Variants in EIF4A1 observed in about 807,000 individuals in gnomAD.
The protein encoded by EIF4A1 is eukaryotic initiation factor 4A-I.
A neutral mutation model predicts 53.5 loss-of-function variants in EIF4A1; 11 were observed. The ratio of observed to expected loss-of-function variants is 0.21; its 90% CI spans 0.13 to 0.34. The LOEUF (loss-of-function observed/expected upper bound fraction) is 0.34, where lower values mean the gene tolerates loss of function less well. EIF4A1 is among the 10% of genes least tolerant of loss of function. EIF4A1 has a pLI of 1.00. For synonymous variants in EIF4A1, 237 were observed against 186.7 expected (o/e 1.27, Z -2.20); for missense variants, 213 against 530.8 (o/e 0.40, Z 5.88).
chr17:7,578,105 T>TTCCCTCCGGGATAGAGTGTCC lies in EIF4A1; in HGVS notation c.997-56_997-36dup, dbSNP rs776637885. The TTCCCTCCGGGATAGAGTGTCC allele has an allele frequency of 2.5e-6, 4 of 1,611,266 alleles. No homozygotes were observed. The East Asian group carries it at 8.9e-5, about 36-fold the overall frequency. On this transcript the variant is annotated intron_variant, in intron 9 of 10. Coordinates refer to ENST00000293831, the MANE Select transcript of EIF4A1 (RefSeq NM_001416.4). ...CTGCCCACATGGATGCCTAAGTGTC[T>TTCCCTCCGGGATAGAGTGTCC]TCCCTCCGGGATAGAGTGTCCTCCG... is the stretch of plus-strand genomic sequence containing the variant.
At chr17:7,573,134 G>T in intron 1 of EIF4A1, 1 of 592,394 alleles carries the variant, frequency 1.7e-6, no homozygotes, top group South Asian at 2.0e-5. Flanking sequence ...CGAAGCCCCG[G>T]CGCTGAGTGG....
intron 4 of EIF4A1, chr17:7,575,638 C>T: frequency 2.8e-6 from 1 of 360,114 alleles, no homozygotes; most frequent in Non-Finnish European, 5.4e-6. Context: ...GCCTGGGGCA[C>T]ACACAATTCT....
Position 7,578,577 on chromosome 17 carries a change from GAC to G in EIF4A1, c.*93_*94del. ...GGGGAGGGAAGGGAGCCAAGGGATG[GAC>G]ATCTTGTCATTTTTTTTCTTTGAAT... is the stretch of plus-strand genomic sequence containing the variant. On this transcript the variant is annotated 3_prime_UTR_variant, in exon 11 of 11. Coordinates refer to ENST00000293831, the MANE Select transcript of EIF4A1 (RefSeq NM_001416.4). 3 of 1,382,764 alleles carry G rather than the reference GAC, an allele frequency of 2.2e-6. No homozygotes were observed. Among genetic ancestry groups the G allele is most frequent in the Non-Finnish European group, 2.8e-6 (3 of 1,055,578 alleles). 85.7% of individuals were successfully genotyped at this position (1,382,764 alleles called of 1,614,324 possible). A position where few individuals can be genotyped will look rare whatever the true frequency, so the allele number is the denominator to read the frequency against.
chr17:7,574,171 A>T, intron 1 of EIF4A1, 89 bp from the exon 2 acceptor site: 1 of 1,489,200 alleles, frequency 6.7e-7, no homozygotes, highest in Non-Finnish European at 9.3e-7. Flanking sequence ...TGATGGCATC[A>T]TGCAGGCCAC....
chr17:7,577,024 T>C lies in EIF4A1; in HGVS notation c.515-32T>C, dbSNP rs768131535. On this transcript the variant is annotated intron_variant, in intron 5 of 10. Coordinates refer to ENST00000293831, the MANE Select transcript of EIF4A1 (RefSeq NM_001416.4). The surrounding 1 kb of genome is among the most constrained non-coding windows in gnomAD (Gnocchi z 4.7). ...TCTCTCCCACATTTCCCTAATCATATGCTATATATTGGCTTTTTTTTTCTT... is the reference window on the plus strand; with the variant it reads ...TCTCTCCCACATTTCCCTAATCATACGCTATATATTGGCTTTTTTTTTCTT... The C allele has an allele frequency of 2.5e-6, 4 of 1,610,084 alleles. No homozygotes were observed. The highest frequency in any genetic ancestry group is 1.3e-5 in the African/African-American group (1 of 74,794).
chr17:7,574,361 ATAGAGT>A lies in EIF4A1; in HGVS notation c.72+60_72+65del, dbSNP rs1237095323. 3.0e-5 allele frequency: 48 copies of A among 1,613,554 alleles called. No individual in the cohort carries two copies. In the Middle Eastern group the frequency reaches 6.6e-4, roughly 22 times the overall value. On this transcript the variant is annotated intron_variant, in intron 2 of 10. Transcript: ENST00000293831. The stretch of plus-strand genomic sequence containing the variant: ...CTCCCCCATTACAACTTTCAGCCGT[ATAGAGT>A]TAGAGTGGCCTCTTGATTGATTTCC...
rs757110802 is a variant in EIF4A1 at position 7,578,233 on chromosome 17, C to T, written c.1065C>T (p.Asn355=). 1.2e-6 allele frequency: 2 copies of T among 1,614,194 alleles called. No homozygotes were observed. The highest frequency in any genetic ancestry group is 1.6e-4 in the Middle Eastern group (1 of 6,062). The stretch of plus-strand genomic sequence containing the variant: ...ATGACCTTCCCACCAACAGGGAAAA[C>T]TATATCCACAGGTAAGCGTAGATCT... The part of the protein sequence containing the change: ...INYDLPTNRE[N]YIHRIGRGGR... The change falls in exon 10 of 11, where the codon AAC becomes AAT. Residue 355 remains asparagine, a synonymous_variant. Coordinates refer to ENST00000293831, the MANE Select transcript of EIF4A1 (RefSeq NM_001416.4).
In EIF4A1 at chr17:7,578,756, A is replaced by AGAG; in HGVS notation, c.*272_*274dup. On this transcript the variant is annotated 3_prime_UTR_variant, in exon 11 of 11. Transcript: ENST00000293831. ...CCTAACCTAGTAACCTCCAGATCCC[A>AGAG]GAGGCTCTCCTCACCTCAGCTGAGC... 3.8e-6 allele frequency: 1 copy of AGAG among 265,366 alleles called. No homozygotes were observed. Among genetic ancestry groups the AGAG allele is most frequent in the South Asian group, 8.0e-5 (1 of 12,444 alleles). The allele number at this position is 265,366 out of a possible 1,614,324, so 16.4% of individuals were successfully genotyped here.
At position 7,573,266 on chromosome 17, in the gene EIF4A1, C is replaced by G. The variant is rs376146801; in HGVS notation, c.23+402C>G. On this transcript the variant is annotated intron_variant, in intron 1 of 10. Coordinates refer to ENST00000293831, the MANE Select transcript of EIF4A1 (RefSeq NM_001416.4). ...GGGGGAGGGACGGCGCGCGGGGTTCCGGAGCATTCTGACGGTACCACTCGC... is the reference window on the plus strand; with the variant it reads ...GGGGGAGGGACGGCGCGCGGGGTTCGGGAGCATTCTGACGGTACCACTCGC... 1,405 of 360,618 alleles carry G rather than the reference C, an allele frequency of 3.9e-3. 27 individuals are homozygous for G. The highest frequency in any genetic ancestry group is 0.026 in the African/African-American group (1,215 of 46,780). The allele number at this position is 360,618 out of a possible 1,614,324, so 22.3% of individuals were successfully genotyped here. A position where few individuals can be genotyped will look rare whatever the true frequency, so the allele number is the denominator to read the frequency against.
chr17:7,575,054 C>G (rs1049774142), intron 3 of EIF4A1, 65 bp from the exon 4 acceptor site: 7 of 1,595,208 alleles, frequency 4.4e-6, no homozygotes, highest in Middle Eastern at 4.6e-4. Context: ...CCTCATTAAC[C>G]TAGGACTTGA....
At chr17:7,573,960 C>G (rs1420730991) in intron 1 of EIF4A1, 2 of 407,402 alleles carry the variant, frequency 4.9e-6, no homozygotes, top group East Asian at 4.4e-5. Context: ...CCCACGTGGA[C>G]CCGGCGGCAA....
chr17:7,572,921 G>A (rs934539257), intron 1 of EIF4A1, 57 bp downstream of exon 1: 35 of 1,613,958 alleles, frequency 2.2e-5, no homozygotes, highest in Non-Finnish European at 3.0e-5. Flanking sequence ...CCCTTCCGAC[G>A]GGCCCGCCGG....
chr17:7,576,358 G>A (rs1479518682), intron 4 of EIF4A1, among the ~76,000 whole-genome samples, 166 bp from the exon 5 acceptor site: 1 of 152,218 alleles, frequency 6.6e-6, no homozygotes, highest in East Asian at 1.9e-4. Flanking sequence ...TTGACAGCAC[G>A]ATCTTAAGTG....
intron 4 of EIF4A1, chr17:7,576,292 T>C (rs995191477): frequency 4.5e-5 from 19 of 418,242 alleles, no homozygotes; most frequent in Non-Finnish European, 5.0e-5. Flanking sequence ...GGCCTCATTG[T>C]GAATCACTGT....
intron 1 of EIF4A1, 125 bp downstream of exon 1, chr17:7,572,989 T>A: frequency 6.5e-7 from 1 of 1,547,786 alleles, no homozygotes; most frequent in Non-Finnish European, 8.9e-7. Context: ...GGGGGGAGGG[T>A]CCGACTTGGA....
Position 7,577,770 on chromosome 17 carries a change from G to A in EIF4A1, c.907-57G>A, listed in dbSNP as rs2071421314. 2 of 1,613,862 alleles carry A rather than the reference G, an allele frequency of 1.2e-6. No individual in the cohort carries two copies. Among genetic ancestry groups the A allele is most frequent in the South Asian group, 1.1e-5 (1 of 91,066 alleles). The stretch of plus-strand genomic sequence containing the variant: ...GTCAGAAGTGTCCTACTTGAAGCCA[G>A]GGTTCCTGGAACCCAGGTGCCTACC... On this transcript the variant is annotated intron_variant, in intron 8 of 10. Transcript: ENST00000293831. This position sits in a 1 kb window ranked among gnomAD's most constrained non-coding sequence, Gnocchi z 4.7.
At chr17:7,574,814 G>A (rs1417777568) in intron 3 of EIF4A1, 136 bp downstream of exon 3, 3 of 1,430,490 alleles carry the variant, frequency 2.1e-6, no homozygotes, top group African/African-American at 1.4e-5. Flanking sequence ...CTTTTGATCC[G>A]TGCCCATGCC....
rs759270537 is a variant in EIF4A1, at chr17:7,577,761, T to A, written c.906+55T>A. On this transcript the variant is annotated intron_variant, in intron 8 of 10. Transcript: ENST00000293831. This position sits in a 1 kb window ranked among gnomAD's most constrained non-coding sequence, Gnocchi z 4.7. ...GGTCTGCCCGTCAGAAGTGTCCTAC[T>A]TGAAGCCAGGGTTCCTGGAACCCAG... is the stretch of plus-strand genomic sequence containing the variant. 6.2e-7 allele frequency: 1 copy of A among 1,613,940 alleles called. No homozygotes were observed. The highest frequency in any genetic ancestry group is 1.3e-5 in the African/African-American group (1 of 74,886).
rs773062553 is a variant in EIF4A1 at position 7,577,823 on chromosome 17, C to G, written c.907-4C>G. Reference sequence around the variant, plus strand: ...GTCTGCTGCATATTTGTTTTCTCTTCCAGCATGGAGATATGGACCAAAAGG... The same window carrying G: ...GTCTGCTGCATATTTGTTTTCTCTTGCAGCATGGAGATATGGACCAAAAGG... On this transcript the variant is annotated splice_polypyrimidine_tract_variant and splice_region_variant and intron_variant, in intron 8 of 10. Transcript: ENST00000293831. The surrounding 1 kb of genome is among the most constrained non-coding windows in gnomAD (Gnocchi z 4.7). 40 of 1,614,028 alleles carry G rather than the reference C, an allele frequency of 2.5e-5. No homozygotes were observed. The highest frequency in any genetic ancestry group is 3.1e-5 in the Non-Finnish European group (37 of 1,180,040).
Sources: allele counts gnomAD v4.1 joint callset (sites outside exome capture counted in the v4.1 genomes callset), GRCh38; gene constraint gnomAD v4.1.1; non-coding constraint Gnocchi (gnomAD v3.1); transcripts MANE v1.5; gene names NCBI Gene and HGNC (gene_info 2026-07-23, HGNC 2026-07-21).